The following CDH12 variants were observed in gnomAD, a reference collection of about 807,000 sequenced individuals.
The protein encoded by CDH12 is cadherin-12.
A neutral mutation model predicts 74.1 loss-of-function variants in CDH12; 41 were observed. That is an observed-to-expected ratio of 0.55 (90% CI 0.43 to 0.72). CDH12 has a LOEUF of 0.72. Among genes scored for constraint, CDH12 ranks in the 30% least tolerant of loss-of-function variants. CDH12 has a pLI of 0.00. For synonymous variants in CDH12, 399 were observed against 355.0 expected, an observed-to-expected ratio of 1.12 and a Z score of -1.39; for missense variants, 945 against 977.2, an observed-to-expected ratio of 0.97 and a Z score of 0.44.
Position 22,277,841 on chromosome 5 carries a change from C to CAACAACA in CDH12, c.-332-65205_-332-65199dup, listed in dbSNP as rs1204110468. Among the ~76,000 whole-genome samples, 5 of 152,176 alleles carry CAACAACA rather than the reference C, an allele frequency of 3.3e-5. No homozygotes were observed. The South Asian group carries it at 1.0e-3, about 32-fold the overall frequency. On this transcript the variant is annotated intron_variant, in intron 3 of 14. Coordinates refer to ENST00000382254, the MANE Select transcript of CDH12 (RefSeq NM_004061.5). ...AAGAGCGAAACTCTGTCTCAAACAA[C>CAACAACA]AACAACAAACAACAAACAAACAAAC...
intron 4 of CDH12, among the ~76,000 whole-genome samples, chr5:22,185,769 T>G (rs1460867178): frequency 2.0e-5 from 3 of 152,214 alleles, no homozygotes; most frequent in Admixed American, 2.0e-4. Flanking sequence ...AAATAGGGAA[T>G]GAAGTGGGTT....
At chr5:21,955,257 T>C (rs1214223963) in intron 6 of CDH12, among the ~76,000 whole-genome samples, 1 of 152,002 alleles carries the variant, frequency 6.6e-6, no homozygotes, top group Non-Finnish European at 1.5e-5. Flanking sequence ...AAGTTGGTCT[T>C]AATCAAATGT....
intron 6 of CDH12, among the ~76,000 whole-genome samples, chr5:21,946,005 T>A (rs1230048288): frequency 6.6e-6 from 1 of 151,416 alleles, no homozygotes; most frequent in Non-Finnish European, 1.5e-5. Context: ...ATTAAAAATC[T>A]TGAAAGCAAA....
At chr5:22,718,712 C>T (rs1423431660) in intron 1 of CDH12, among the ~76,000 whole-genome samples, 2 of 152,104 alleles carry the variant, frequency 1.3e-5, no homozygotes, top group Non-Finnish European at 2.9e-5. Flanking sequence ...CCAGGAAGGG[C>T]TGCAAACTAA....
At chr5:22,382,322 T>C (rs1253631365) in intron 3 of CDH12, among the ~76,000 whole-genome samples, 1 of 149,660 alleles carries the variant, frequency 6.7e-6, no homozygotes, top group Non-Finnish European at 1.5e-5. Context: ...TACATACATA[T>C]AGAAAAATAT....
chr5:21,986,143 C>G (rs965083506), intron 5 of CDH12, among the ~76,000 whole-genome samples: 3 of 152,030 alleles, frequency 2.0e-5, no homozygotes, highest in African/African-American at 7.2e-5. Flanking sequence ...TTGAAGAGAG[C>G]AGAAATCCAT....
intron 1 of CDH12, among the ~76,000 whole-genome samples, chr5:22,808,373 G>A (rs958162488): frequency 1.5e-4 from 23 of 152,086 alleles, no homozygotes; most frequent in Non-Finnish European, 3.2e-4. Context: ...GAATAAGAAA[G>A]ATGAGTGATA....
chr5:22,317,664 AC>A (rs1459588534), intron 3 of CDH12, among the ~76,000 whole-genome samples: 2 of 152,172 alleles, frequency 1.3e-5, no homozygotes, highest in African/African-American at 4.8e-5. Context: ...AAAAATACCT[AC>A]TTTTACCTGC....
chr5:22,191,314 C>A (rs1476783912), intron 4 of CDH12, among the ~76,000 whole-genome samples: 2 of 152,116 alleles, frequency 1.3e-5, no homozygotes, highest in Admixed American at 6.5e-5. Flanking sequence ...TCATTTCACT[C>A]TTAGCGCTTT....
chr5:22,501,356 C>T (rs567712292), intron 2 of CDH12, among the ~76,000 whole-genome samples: 4 of 152,220 alleles, frequency 2.6e-5, no homozygotes, highest in Non-Finnish European at 5.9e-5. Context: ...TTTTAATGTA[C>T]TCTTTTCTGC....
intron 1 of CDH12, among the ~76,000 whole-genome samples, chr5:22,577,830 A>G (rs1340012427): frequency 2.0e-5 from 3 of 152,214 alleles, no homozygotes; most frequent in African/African-American, 7.2e-5. Context: ...AATTTGCAAG[A>G]AGACCTAAAA....
chr5:22,044,461 C>T (rs1425262531), intron 5 of CDH12, among the ~76,000 whole-genome samples: 1 of 152,078 alleles, frequency 6.6e-6, no homozygotes, highest in African/African-American at 2.4e-5. Context: ...AAGTGCCACA[C>T]TTTTAAACCA....
chr5:21,799,726 C>T (rs1747006017), intron 10 of CDH12, among the ~76,000 whole-genome samples: 1 of 152,162 alleles, frequency 6.6e-6, no homozygotes. Context: ...ATCACCCCAA[C>T]AGTGATTTGA....
chr5:22,798,807 C>A (rs750632572), intron 1 of CDH12, among the ~76,000 whole-genome samples: 1 of 151,950 alleles, frequency 6.6e-6, no homozygotes, highest in Non-Finnish European at 1.5e-5. Flanking sequence ...TAAAAAATGT[C>A]ATGATGATTA....
rs562345991 is a variant in CDH12, at chr5:22,831,944, A to G, written c.-523+21114T>C. ...ACATAAAATAATAGTAAATAGAAAT[A>G]TTTTTGAAAGGTACTTAGAATTCAA... On this transcript the variant is annotated intron_variant, in intron 1 of 14. Coordinates refer to ENST00000382254, the MANE Select transcript of CDH12 (RefSeq NM_004061.5). 1.6e-3 allele frequency among the ~76,000 whole-genome samples: 241 copies of G among 152,180 alleles called. 1 individual carries two copies. Among genetic ancestry groups the G allele is most frequent in the Non-Finnish European group, 2.6e-3 (176 of 68,006 alleles).
At chr5:22,139,630 A>G (rs2150296181) in intron 4 of CDH12, 1 of 146,344 alleles carries the variant, frequency 6.8e-6, no homozygotes, top group South Asian at 2.2e-4. Flanking sequence ...CCATTGATCA[A>G]TAGGGGTTGC....
chr5:21,889,901 C>T, intron 6 of CDH12: 1 of 961,736 alleles, frequency 1.0e-6, no homozygotes, highest in Non-Finnish European at 1.2e-6. Context: ...TTACCCCACA[C>T]TGGCAATGTT....
At chr5:22,486,120 C>T (rs926468179) in intron 2 of CDH12, among the ~76,000 whole-genome samples, 3 of 152,124 alleles carry the variant, frequency 2.0e-5, no homozygotes, top group African/African-American at 7.2e-5. Context: ...ACTGGTTGCC[C>T]CAGCCAGAAT....
chr5:22,622,703 C>A (rs905835982), intron 1 of CDH12, among the ~76,000 whole-genome samples: 15 of 152,098 alleles, frequency 9.9e-5, no homozygotes, highest in Admixed American at 6.5e-4. Flanking sequence ...AAAAAAAGTC[C>A]AGGACCAGAT....
Sources: gnomAD v4.1 joint callset for allele counts (sites outside exome capture counted in the v4.1 genomes callset) on GRCh38, gnomAD v4.1.1 for gene constraint, MANE v1.5 for transcripts, NCBI Gene and HGNC (gene_info 2026-07-23, HGNC 2026-07-21) for gene names.